PCDH11X: variants seen among roughly 807,000 people sequenced by gnomAD.
PCDH11X encodes the protein protocadherin-11 X-linked.
In PCDH11X, 18 loss-of-function variants were observed where a neutral mutation model predicts 53.3. That is an observed-to-expected ratio of 0.34 (90% CI 0.23 to 0.50). PCDH11X has a LOEUF of 0.50. Ranked by LOEUF, PCDH11X falls within the 20% of genes least tolerant of loss-of-function variation. The probability of loss-of-function intolerance (pLI) is 0.98; values close to 1 mark genes in which losing one functional copy is unlikely to be tolerated. For missense variants in PCDH11X, 570 were observed against 1,032.4 expected (o/e 0.55, Z 6.14); for synonymous variants, 279 against 393.3 (o/e 0.71, Z 3.44).
At chrX:91,829,609 G>T (rs1191221293) in intron 4 of PCDH11X, among the ~76,000 whole-genome samples, 1 of 110,462 alleles carries the variant, frequency 9.1e-6, no homozygotes, top group Admixed American at 9.8e-5. Context: ...TAGATTCCAA[G>T]CCCATCACTT....
chrX:92,003,143 A>G (rs1280404599), intron 6 of PCDH11X, among the ~76,000 whole-genome samples: 1 of 104,454 alleles, frequency 9.6e-6, no homozygotes, highest in Non-Finnish European at 2.0e-5. Flanking sequence ...ATCAATTGAA[A>G]TGATCATACA....
At chrX:92,616,495 T>C (rs997394176) in intron 10 of PCDH11X, among the ~76,000 whole-genome samples, 9 of 109,584 alleles carry the variant, frequency 8.2e-5, no homozygotes, top group Non-Finnish European at 1.7e-4. Context: ...AGTCTATACT[T>C]TCACCATTGA....
At chrX:92,110,230 T>G (rs190022667) in intron 6 of PCDH11X, among the ~76,000 whole-genome samples, 346 of 111,088 alleles carry the variant, frequency 3.1e-3, no homozygotes, top group Non-Finnish European at 5.4e-3. Flanking sequence ...GACTAAGTAA[T>G]TCAATTGGAA....
intron 6 of PCDH11X, among the ~76,000 whole-genome samples, chrX:92,147,632 T>G (rs1338534630): frequency 9.1e-6 from 1 of 109,370 alleles, no homozygotes. Context: ...AATCAGTGAT[T>G]AATCTGCTAC....
intron 6 of PCDH11X, among the ~76,000 whole-genome samples, chrX:92,053,570 G>T (rs1462686139): frequency 1.1e-5 from 1 of 93,110 alleles, no homozygotes; most frequent in Non-Finnish European, 2.0e-5. Context: ...ACATTGAACT[G>T]AGTCTTTTTT....
intron 9 of PCDH11X, among the ~76,000 whole-genome samples, chrX:92,389,908 T>C (rs1381615859): frequency 9.2e-6 from 1 of 109,223 alleles, no homozygotes; most frequent in African/African-American, 3.3e-5. Context: ...TACACTATTA[T>C]CTTGAACATT....
intron 6 of PCDH11X, among the ~76,000 whole-genome samples, chrX:92,103,462 C>T (rs34227229): frequency 1.8e-5 from 2 of 111,181 alleles, no homozygotes; most frequent in Non-Finnish European, 3.8e-5. Context: ...GCTCGGCGTC[C>T]GTGATGGTCT....
intron 9 of PCDH11X, among the ~76,000 whole-genome samples, chrX:92,432,037 G>T (rs1363366702): frequency 5.5e-5 from 6 of 109,398 alleles, no homozygotes; most frequent in Non-Finnish European, 1.2e-4. Context: ...TGAATAAAAG[G>T]ATTCCTCAAA....
intron 6 of PCDH11X, among the ~76,000 whole-genome samples, chrX:91,890,197 G>A: frequency 9.0e-6 from 1 of 111,273 alleles, no homozygotes; most frequent in African/African-American, 3.3e-5. Flanking sequence ...TTGCATATAT[G>A]TGTGCATATT....
chrX:92,141,079 A>G (rs2065171805), intron 6 of PCDH11X, among the ~76,000 whole-genome samples: 1 of 111,395 alleles, frequency 9.0e-6, no homozygotes, highest in South Asian at 3.7e-4. Context: ...ATTGTTATTG[A>G]TATTATTTAA....
At chrX:92,199,482 A>C (rs765878840) in intron 6 of PCDH11X, among the ~76,000 whole-genome samples, 2 of 112,040 alleles carry the variant, frequency 1.8e-5, no homozygotes, top group Non-Finnish European at 1.9e-5. Flanking sequence ...TCTGCATTTT[A>C]TTTCTCAGGT....
intron 6 of PCDH11X, among the ~76,000 whole-genome samples, chrX:91,916,987 A>G: frequency 9.0e-6 from 1 of 111,711 alleles, no homozygotes; most frequent in Non-Finnish European, 1.9e-5. Context: ...TTTTATACCA[A>G]TGATGCAGGG....
chrX:91,810,208 A>G (rs1936252565), intron 2 of PCDH11X, among the ~76,000 whole-genome samples: 1 of 110,755 alleles, frequency 9.0e-6, no homozygotes, highest in Admixed American at 9.7e-5. Context: ...AGTATACCCT[A>G]CCTCCCAAAG....
intron 8 of PCDH11X, among the ~76,000 whole-genome samples, chrX:92,349,925 A>T (rs1422959610): frequency 9.2e-6 from 1 of 108,252 alleles, no homozygotes; most frequent in Non-Finnish European, 1.9e-5. Flanking sequence ...TTGACTTAAG[A>T]TAGTTTCAAT....
chrX:92,571,458 G>A (rs772059599), intron 10 of PCDH11X, among the ~76,000 whole-genome samples: 78 of 109,728 alleles, frequency 7.1e-4, no homozygotes, highest in Non-Finnish European at 8.2e-4. Context: ...GAGATGAATT[G>A]GTGAAAAAAT....
At chrX:92,339,480 A>C (rs761572982) in intron 8 of PCDH11X, among the ~76,000 whole-genome samples, 1 of 111,534 alleles carries the variant, frequency 9.0e-6, no homozygotes, top group East Asian at 2.8e-4. Context: ...TAATTGGCTT[A>C]TGGTTCCTCT....
intron 10 of PCDH11X, among the ~76,000 whole-genome samples, chrX:92,502,588 A>G (rs925991007): frequency 1.1e-4 from 12 of 110,452 alleles, no homozygotes; most frequent in African/African-American, 3.6e-4. Context: ...CAGATCTTTG[A>G]CAAACCTGAC....
chrX:91,930,262 G>A (rs1335166735), intron 6 of PCDH11X, among the ~76,000 whole-genome samples: 1 of 108,588 alleles, frequency 9.2e-6, no homozygotes, highest in Admixed American at 1.0e-4. Context: ...AAATATAAAA[G>A]ACTACCAAAA....
chrX:92,188,423 G>A (rs1474531478), intron 6 of PCDH11X, among the ~76,000 whole-genome samples: 2 of 111,408 alleles, frequency 1.8e-5, no homozygotes, highest in East Asian at 5.6e-4. Context: ...AGATGTATTT[G>A]ATGTAATAGT....
Sources: allele counts gnomAD v4.1 joint callset (sites outside exome capture counted in the v4.1 genomes callset), GRCh38; gene constraint gnomAD v4.1.1; transcripts MANE v1.5; gene names NCBI Gene and HGNC (gene_info 2026-07-23, HGNC 2026-07-21).